Variants in CCSER1 observed in about 807,000 individuals in gnomAD.
CCSER1 encodes coiled-coil serine rich protein 1, also known as serine-rich coiled-coil domain-containing protein 1.
A neutral mutation model predicts 82.0 loss-of-function variants in CCSER1; 41 were observed. The observed-to-expected ratio is 0.50, with a 90% CI of 0.39 to 0.65. The LOEUF is 0.65. Among genes scored for constraint, CCSER1 ranks in the 30% least tolerant of loss-of-function variants. The pLI is 0.00. For synonymous variants in CCSER1, 414 were observed against 383.9 expected, an observed-to-expected ratio of 1.08 and a Z score of -0.92; for missense variants, 1,119 against 1,064.2, an observed-to-expected ratio of 1.05 and a Z score of -0.72.
intron 10 of CCSER1, among the ~76,000 whole-genome samples, chr4:91,578,986 A>C (rs951858962): frequency 3.1e-4 from 47 of 151,916 alleles, no homozygotes; most frequent in African/African-American, 1.1e-3. Context: ...CTCATAGTTA[A>C]AATCTGAGTT....
Position 90,305,975 on chromosome 4 carries a change from T to C in CCSER1, c.-41-2269T>C, listed in dbSNP as rs28700165. ...GGATTAAGAAAATGTGGTTTATTTA[T>C]ATAATGAAATGCTATTCAGCCTAAA... On this transcript the variant is annotated intron_variant, in intron 1 of 10. Coordinates refer to ENST00000509176, the MANE Select transcript of CCSER1 (RefSeq NM_001145065.2). Among the ~76,000 whole-genome samples the C allele has an allele frequency of 6.0e-3, 918 of 152,336 alleles. 8 individuals are homozygous for C. The highest frequency in any genetic ancestry group is 0.021 in the African/African-American group (889 of 41,576).
chr4:90,656,680 T>G (rs950557683), intron 6 of CCSER1, among the ~76,000 whole-genome samples: 11 of 151,952 alleles, frequency 7.2e-5, no homozygotes, highest in African/African-American at 2.4e-4. Flanking sequence ...AATTTAAATG[T>G]ATGTTTTTAA....
chr4:90,128,143 C>T (rs1320931543), intron 1 of CCSER1, among the ~76,000 whole-genome samples: 3 of 152,164 alleles, frequency 2.0e-5, no homozygotes, highest in Non-Finnish European at 4.4e-5. Flanking sequence ...CAGGGCGATG[C>T]GGAGCGCTGG....
chr4:91,087,745 A>G (rs1723527614), intron 10 of CCSER1, among the ~76,000 whole-genome samples: 4 of 152,132 alleles, frequency 2.6e-5, no homozygotes. Flanking sequence ...CTAATTCATG[A>G]CCAGAAAGTA....
intron 4 of CCSER1, among the ~76,000 whole-genome samples, chr4:90,411,759 CAGTT>C (rs1754874540): frequency 6.6e-6 from 1 of 152,106 alleles, no homozygotes; most frequent in Admixed American, 6.5e-5. Flanking sequence ...ATAGTGTTGG[CAGTT>C]CTGGCCAGGG....
At chr4:90,626,294 A>G (rs1723249957) in intron 5 of CCSER1, among the ~76,000 whole-genome samples, 1 of 152,166 alleles carries the variant, frequency 6.6e-6, no homozygotes, top group South Asian at 2.1e-4. Context: ...GCAAGTTCAC[A>G]ACTTAAAAAT....
chr4:91,074,719 C>A (rs1721781956), intron 9 of CCSER1, among the ~76,000 whole-genome samples: 1 of 152,208 alleles, frequency 6.6e-6, no homozygotes, highest in Non-Finnish European at 1.5e-5. Context: ...CTACAGTTAT[C>A]TAAAGTTCCT....
At chr4:91,249,619 T>G (rs1482765940) in intron 10 of CCSER1, among the ~76,000 whole-genome samples, 1 of 152,118 alleles carries the variant, frequency 6.6e-6, no homozygotes, top group African/African-American at 2.4e-5. Flanking sequence ...AGTTACTCCT[T>G]AAGTCTAGAA....
intron 7 of CCSER1, among the ~76,000 whole-genome samples, chr4:90,759,850 C>A (rs1439159842): frequency 1.3e-5 from 2 of 151,852 alleles, no homozygotes; most frequent in Admixed American, 6.6e-5. Flanking sequence ...AAATCAAGAG[C>A]AAAATTATTA....
At chr4:90,256,144 A>G (rs370243668) in intron 1 of CCSER1, among the ~76,000 whole-genome samples, 36 of 152,250 alleles carry the variant, frequency 2.4e-4, no homozygotes, top group African/African-American at 8.4e-4. Context: ...ACCCTGTTCC[A>G]TGTCCATCTG....
Position 90,308,929 on chromosome 4 carries a change from G to A in CCSER1, c.645G>A (p.Gln215=), listed in dbSNP as rs538262643. The A allele has an allele frequency of 2.6e-5, 42 of 1,613,850 alleles. No individual in the cohort carries two copies. In the East Asian group the frequency reaches 5.6e-4, roughly 21 times the overall value. Residue 215 remains glutamine, a synonymous_variant, in exon 2 of 11, where the codon CAG becomes CAA. Transcript: ENST00000509176. ...CTGAATTCTCATTGGAAGTTACACA[G>A]TACCAAGAGAGAGAACCTGTATTAG... is the stretch of plus-strand genomic sequence containing the variant. ...QQSEFSLEVT[Q]YQEREPVLVR...
At chr4:91,280,664 G>C (rs1164471980) in intron 10 of CCSER1, among the ~76,000 whole-genome samples, 1 of 152,172 alleles carries the variant, frequency 6.6e-6, no homozygotes, top group African/African-American at 2.4e-5. Flanking sequence ...GTTTAGGAGT[G>C]AGAGCATCGG....
intron 10 of CCSER1, among the ~76,000 whole-genome samples, chr4:91,248,039 AAAAAG>A (rs760220583): frequency 6.6e-6 from 1 of 152,186 alleles, no homozygotes; most frequent in African/African-American, 2.4e-5. Flanking sequence ...AACAGCAAGA[AAAAAG>A]AAAAGAAAAC....
chr4:91,235,641 G>A (rs1039063032), intron 10 of CCSER1, among the ~76,000 whole-genome samples: 3 of 151,812 alleles, frequency 2.0e-5, no homozygotes, highest in African/African-American at 7.3e-5. Flanking sequence ...TCCAAAATAG[G>A]GCAGCCTCAT....
chr4:90,453,107 G>A (rs1343765870), intron 4 of CCSER1, among the ~76,000 whole-genome samples: 1 of 152,210 alleles, frequency 6.6e-6, no homozygotes. Context: ...ACAGGTGGGG[G>A]CTGTCTCAGA....
intron 4 of CCSER1, among the ~76,000 whole-genome samples, chr4:90,465,426 T>G (rs1578609884): frequency 1.3e-5 from 2 of 151,412 alleles, no homozygotes; most frequent in South Asian, 4.2e-4. Context: ...GTTCAAGCAA[T>G]TCTCCTGCCT....
At chr4:91,428,765 A>C (rs1754130001) in intron 10 of CCSER1, among the ~76,000 whole-genome samples, 1 of 152,000 alleles carries the variant, frequency 6.6e-6, no homozygotes, top group East Asian at 1.9e-4. Flanking sequence ...ATAATGTGTA[A>C]TTCTCTCCTT....
intron 10 of CCSER1, among the ~76,000 whole-genome samples, chr4:91,277,078 C>A (rs1742524552): frequency 6.6e-6 from 1 of 151,972 alleles, no homozygotes; most frequent in Non-Finnish European, 1.5e-5. Context: ...AGGATTTTTG[C>A]ATCTATGTTT....
At chr4:91,230,453 A>G (rs548555941) in intron 10 of CCSER1, among the ~76,000 whole-genome samples, 2 of 151,206 alleles carry the variant, frequency 1.3e-5, no homozygotes, top group Admixed American at 1.3e-4. Flanking sequence ...TATATGCTCA[A>G]CTAAAAACAA....
Sources: allele counts gnomAD v4.1 joint callset (sites outside exome capture counted in the v4.1 genomes callset), GRCh38; gene constraint gnomAD v4.1.1; transcripts MANE v1.5; gene names NCBI Gene and HGNC (gene_info 2026-07-23, HGNC 2026-07-21).